RBFOX1: variants seen among roughly 807,000 people sequenced by gnomAD.
The protein encoded by RBFOX1 is RNA binding fox-1 homolog 1, also known as RNA binding protein fox-1 homolog 1.
In RBFOX1, 8 loss-of-function variants were observed where a neutral mutation model predicts 57.7. The ratio of observed to expected loss-of-function variants is 0.14; its 90% CI spans 0.08 to 0.25. The LOEUF is 0.25. Among genes scored for constraint, RBFOX1 ranks in the 10% least tolerant of loss-of-function variants. The probability of loss-of-function intolerance (pLI) is 1.00; values close to 1 mark genes in which losing one functional copy is unlikely to be tolerated. For synonymous variants in RBFOX1, 326 were observed against 222.4 expected, an observed-to-expected ratio of 1.47 and a Z score of -4.15; for missense variants, 611 against 548.5, an observed-to-expected ratio of 1.11 and a Z score of -1.14.
At chr16:5,402,906 C>A (rs1050036984) in intron 1 of RBFOX1, among the ~76,000 whole-genome samples, 2 of 152,098 alleles carry the variant, frequency 1.3e-5, no homozygotes, top group Non-Finnish European at 2.9e-5. Context: ...AATTAACAAC[C>A]AGAAAATAAA....
intron 2 of RBFOX1, among the ~76,000 whole-genome samples, chr16:5,512,536 C>T (rs1348088690): frequency 6.6e-6 from 1 of 152,108 alleles, no homozygotes; most frequent in Non-Finnish European, 1.5e-5. Flanking sequence ...ATTAGAATCC[C>T]AGCTTTGTCA....
chr16:6,684,381 A>G (rs2059121423), intron 3 of RBFOX1, among the ~76,000 whole-genome samples: 1 of 152,206 alleles, frequency 6.6e-6, no homozygotes, highest in Non-Finnish European at 1.5e-5. Flanking sequence ...GCAGCCATTG[A>G]GGGCAGATGT....
chr16:5,489,657 C>G (rs1217686989), intron 2 of RBFOX1, among the ~76,000 whole-genome samples: 1 of 152,170 alleles, frequency 6.6e-6, no homozygotes, highest in African/African-American at 2.4e-5. Context: ...TGCAGGAGTT[C>G]AGAGCCACCC....
At chr16:6,452,184 A>G (rs1043314452) in intron 2 of RBFOX1, among the ~76,000 whole-genome samples, 5 of 128,844 alleles carry the variant, frequency 3.9e-5, no homozygotes, top group South Asian at 5.3e-4. Flanking sequence ...CCTTCCTTCC[A>G]TGACTCCACC....
intron 3 of RBFOX1, among the ~76,000 whole-genome samples, chr16:6,984,694 G>T (rs1440135263): frequency 6.6e-6 from 1 of 152,114 alleles, no homozygotes; most frequent in South Asian, 2.1e-4. Context: ...AGGCTGGAGT[G>T]CAGTGGTGTG....
chr16:7,127,815 A>G (rs1464128257), intron 4 of RBFOX1, among the ~76,000 whole-genome samples: 1 of 152,248 alleles, frequency 6.6e-6, no homozygotes, highest in East Asian at 1.9e-4. Context: ...GACCTGACTG[A>G]GAGCAAAGGT....
At chr16:7,451,342 A>C (rs1185208887) in intron 4 of RBFOX1, among the ~76,000 whole-genome samples, 1 of 152,152 alleles carries the variant, frequency 6.6e-6, no homozygotes, top group African/African-American at 2.4e-5. Flanking sequence ...GCAAATAGTA[A>C]TTTATTTTGA....
chr16:6,570,254 C>T (rs1005580431), intron 2 of RBFOX1, among the ~76,000 whole-genome samples: 7 of 152,026 alleles, frequency 4.6e-5, no homozygotes, highest in Non-Finnish European at 7.4e-5. Flanking sequence ...GTATTGTTCC[C>T]CCTTCACTGT....
chr16:7,379,151 T>C (rs1408669684), intron 4 of RBFOX1, among the ~76,000 whole-genome samples: 3 of 152,152 alleles, frequency 2.0e-5, no homozygotes, highest in African/African-American at 7.2e-5. Context: ...ATAGTGGGGA[T>C]AGCAGTAAAC....
intron 3 of RBFOX1, among the ~76,000 whole-genome samples, chr16:7,048,288 C>G (rs1189873184): frequency 6.6e-6 from 1 of 151,746 alleles, no homozygotes; most frequent in African/African-American, 2.4e-5. Context: ...TCGATGGAGT[C>G]TTGCTCTGTC....
At chr16:5,971,177 A>T (rs2059954610) in intron 4 of RBFOX1, among the ~76,000 whole-genome samples, 1 of 152,200 alleles carries the variant, frequency 6.6e-6, no homozygotes. Flanking sequence ...CTGGGGATAG[A>T]GCAGTGAACC....
In RBFOX1 at chr16:6,406,718, G is replaced by C. The variant is rs570640697; in HGVS notation, c.-64+89661G>C. ...AATGATGCTGTGGATAGAGGATGCT[G>C]GGACCCCCATCATGGCAAGCATGCA... On this transcript the variant is annotated intron_variant, in intron 2 of 15. Transcript: ENST00000550418. Among the ~76,000 whole-genome samples, 380 of 152,142 alleles carry C rather than the reference G, an allele frequency of 2.5e-3. 5 individuals carry two copies. The highest frequency in any genetic ancestry group is 0.018 in the South Asian group (87 of 4,810).
At chr16:6,708,394 G>C (rs547146817) in intron 3 of RBFOX1, among the ~76,000 whole-genome samples, 2 of 152,206 alleles carry the variant, frequency 1.3e-5, no homozygotes, top group South Asian at 2.1e-4. Context: ...TCCTAAATCA[G>C]ACAGGAGTTA....
rs1301796323 is a variant in RBFOX1 at position 5,664,285 on chromosome 16, C to G, written c.318+65324C>G. Among the ~76,000 whole-genome samples the G allele has an allele frequency of 2.6e-5, 4 of 152,160 alleles. No homozygotes were observed. In the East Asian group the frequency reaches 5.8e-4, roughly 22 times the overall value. ...GGATTCCTGGCCGGGCGCAGTGGCT[C>G]ACGCCTATAATCCCAGCACTTTGGG... On this transcript the variant is annotated intron_variant, in intron 3 of 19. Coordinates refer to the RBFOX1 transcript ENST00000641259.
intron 3 of RBFOX1, among the ~76,000 whole-genome samples, chr16:5,808,270 T>C (rs956192608): frequency 1.3e-5 from 2 of 152,232 alleles, no homozygotes; most frequent in African/African-American, 4.8e-5. Flanking sequence ...TCTGTTCCAC[T>C]GATCTATATC....
At chr16:5,658,740 A>T (rs565225083) in intron 3 of RBFOX1, among the ~76,000 whole-genome samples, 519 of 27,364 alleles carry the variant, frequency 0.019, 4 homozygotes, top group African/African-American at 0.028. Flanking sequence ...ATATATATAA[A>T]TGTGTATATA....
intron 2 of RBFOX1, among the ~76,000 whole-genome samples, chr16:5,481,288 C>G (rs953715667): frequency 2.0e-5 from 3 of 152,212 alleles, no homozygotes; most frequent in Non-Finnish European, 2.9e-5. Flanking sequence ...TGTCTGGTTT[C>G]TTGTTGACAC....
chr16:6,745,634 A>T (rs976060076), intron 3 of RBFOX1, among the ~76,000 whole-genome samples: 1 of 152,232 alleles, frequency 6.6e-6, no homozygotes, highest in African/African-American at 2.4e-5. Context: ...CAAGAATAGA[A>T]GATAAATTGG....
rs140036129 is a variant in RBFOX1, at chr16:5,958,588, G to T, written c.351+91253G>T. Among the ~76,000 whole-genome samples, 58 of 152,306 alleles carry T rather than the reference G, an allele frequency of 3.8e-4. 1 individual carries two copies. The highest frequency in any genetic ancestry group is 1.3e-3 in the African/African-American group (54 of 41,570). Reference sequence around the variant, plus strand: ...GTGAGGATTTAAATGAGATAATACAGGTGTATTACTTTCCTTTTCTGTTGT... The same window carrying T: ...GTGAGGATTTAAATGAGATAATACATGTGTATTACTTTCCTTTTCTGTTGT... On this transcript the variant is annotated intron_variant, in intron 4 of 19. Coordinates refer to the RBFOX1 transcript ENST00000641259.
Sources: allele counts gnomAD v4.1 joint callset (sites outside exome capture counted in the v4.1 genomes callset), GRCh38; gene constraint gnomAD v4.1.1; transcripts MANE v1.5; gene names NCBI Gene and HGNC (gene_info 2026-07-23, HGNC 2026-07-21).